ARHGAP31: variants seen among roughly 807,000 people sequenced by gnomAD.
ARHGAP31 encodes rho GTPase-activating protein 31.
In ARHGAP31, 34 loss-of-function variants were observed where a neutral mutation model predicts 113.9. The ratio of observed to expected loss-of-function variants is 0.30; its 90% confidence interval spans 0.23 to 0.40. The LOEUF is 0.40. Among genes scored for constraint, ARHGAP31 ranks in the 10% least tolerant of loss-of-function variants. The probability of loss-of-function intolerance (pLI) is 1.00; values close to 1 mark genes in which losing one functional copy is unlikely to be tolerated. For synonymous variants in ARHGAP31, 650 were observed against 684.8 expected (o/e 0.95, Z 0.79); for missense variants, 1,548 against 1,767.1 (o/e 0.88, Z 2.22).
chr3:119,302,620 T>G (rs115939883), intron 1 of ARHGAP31, among the ~76,000 whole-genome samples: 232 of 152,330 alleles, frequency 1.5e-3, no homozygotes, highest in African/African-American at 5.4e-3. Flanking sequence ...CTTTAAGAAT[T>G]GGGCATTTTA....
rs149885309 is a variant in ARHGAP31 at position 119,313,610 on chromosome 3, C to CT, written c.100+18607dup. Among the ~76,000 whole-genome samples the CT allele has an allele frequency of 2.1e-3, 318 of 152,334 alleles. 9 individuals are homozygous for CT. In the South Asian group the frequency reaches 0.028, roughly 13 times the overall value. On this transcript the variant is annotated intron_variant, in intron 1 of 11. Transcript: ENST00000264245. ...GGATTTTGTCTGGTCAATTGATACT[C>CT]TGTCAGCTGGACAGCTGGAGTTTAG...
At chr3:119,303,969 T>G (rs1465721474) in intron 1 of ARHGAP31, among the ~76,000 whole-genome samples, 1 of 152,094 alleles carries the variant, frequency 6.6e-6, no homozygotes. Flanking sequence ...TAATTTTTCA[T>G]ATTTTTAATA....
intron 1 of ARHGAP31, among the ~76,000 whole-genome samples, chr3:119,342,519 A>T (rs1417840515): frequency 6.6e-6 from 1 of 152,222 alleles, no homozygotes; most frequent in Non-Finnish European, 1.5e-5. Flanking sequence ...CACAAGGATG[A>T]CTGCCCCCAA....
intron 1 of ARHGAP31, among the ~76,000 whole-genome samples, chr3:119,312,950 T>A (rs1422379099): frequency 6.6e-6 from 1 of 152,234 alleles, no homozygotes; most frequent in African/African-American, 2.4e-5. Context: ...GAGATTGATA[T>A]TCTTTGTTCT....
chr3:119,388,237 T>TA (rs2080470484), intron 6 of ARHGAP31, among the ~76,000 whole-genome samples: 1 of 151,234 alleles, frequency 6.6e-6, no homozygotes, highest in Non-Finnish European at 1.5e-5. Flanking sequence ...TCTATTTTTT[T>TA]TATATATTTG....
intron 1 of ARHGAP31, among the ~76,000 whole-genome samples, chr3:119,310,368 A>G (rs1480273627): frequency 6.6e-6 from 1 of 152,182 alleles, no homozygotes; most frequent in Non-Finnish European, 1.5e-5. Context: ...TTCTTAACCA[A>G]GTGATTCACC....
intron 1 of ARHGAP31, among the ~76,000 whole-genome samples, chr3:119,353,466 T>A (rs80229516): frequency 0.079 from 12,068 of 152,218 alleles, 497 homozygotes; most frequent in Non-Finnish European, 0.087. Context: ...ACCTCCCTCA[T>A]AAGGTGACTG....
Position 119,382,192 on chromosome 3 carries a change from T to A in ARHGAP31, c.432-100T>A, listed in dbSNP as rs73187863. 0.085 allele frequency: 95,910 copies of A among 1,121,928 alleles called. 4,698 individuals carry two copies. Among genetic ancestry groups the A allele is most frequent in the Middle Eastern group, 0.12 (601 of 5,068 alleles). The allele number at this position is 1,121,928 out of a possible 1,614,324, so 69.5% of individuals were successfully genotyped here. On this transcript the variant is annotated intron_variant, in intron 4 of 11. Transcript: ENST00000264245. Reference sequence around the variant, plus strand: ...ATGTCAATTCATTAAAATAGAAATATTTAGAGTCTCTTAAATCCAAACTTA... The same window carrying A: ...ATGTCAATTCATTAAAATAGAAATAATTAGAGTCTCTTAAATCCAAACTTA...
In ARHGAP31 at chr3:119,414,962, T is replaced by C. The variant is rs773748700; in HGVS notation, c.3033T>C (p.Ser1011=). ...EKALRSFREF[S]GLKGAEAPPN... ...CCCTGAGGTCCTTCAGAGAGTTCTC[T>C]GGCCTGAAAGGGGCAGAGGCTCCTC... The change falls in exon 12 of 12, where the codon TCT becomes TCC. Residue 1011 remains serine (S), a synonymous_variant. Transcript: ENST00000264245. The C allele has an allele frequency of 2.0e-5, 32 of 1,614,206 alleles. No individual in the cohort carries two copies. The East Asian group carries it at 6.5e-4, about 33-fold the overall frequency.
intron 10 of ARHGAP31, among the ~76,000 whole-genome samples, chr3:119,405,320 A>G (rs978729127): frequency 2.0e-5 from 3 of 152,344 alleles, no homozygotes; most frequent in Middle Eastern, 3.4e-3. Flanking sequence ...GTTTATTTCT[A>G]TCTTACACAC....
chr3:119,316,816 T>C (rs2079736095), intron 1 of ARHGAP31, among the ~76,000 whole-genome samples: 1 of 152,176 alleles, frequency 6.6e-6, no homozygotes. Flanking sequence ...GGAGTGAAAT[T>C]TATCTGAACA....
At chr3:119,299,457 CAG>C (rs764306316) in intron 1 of ARHGAP31, among the ~76,000 whole-genome samples, 3 of 152,068 alleles carry the variant, frequency 2.0e-5, no homozygotes, top group Non-Finnish European at 4.4e-5. Context: ...TGAGGCATGA[CAG>C]AGGGAAGGTT....
In ARHGAP31 at chr3:119,406,526, T is replaced by C. The variant is rs953059688; in HGVS notation, c.1646-2970T>C. On this transcript the variant is annotated intron_variant, in intron 10 of 11. Coordinates refer to ENST00000264245, the MANE Select transcript of ARHGAP31 (RefSeq NM_020754.4). ...CGCTTTAGGGGTCTGGTTGAATAAC[T>C]AGGGTGCATCCACACAGTGAAGTTC... Among the ~76,000 whole-genome samples the C allele has an allele frequency of 3.9e-5, 6 of 152,214 alleles. No homozygotes were observed. The East Asian group carries it at 1.2e-3, about 29-fold the overall frequency.
At chr3:119,302,763 T>A (rs1275928367) in intron 1 of ARHGAP31, among the ~76,000 whole-genome samples, 2 of 152,202 alleles carry the variant, frequency 1.3e-5, no homozygotes, top group African/African-American at 4.8e-5. Context: ...GAACCACATA[T>A]CTTAGGATAG....
chr3:119,299,310 G>GT (rs1198452945), intron 1 of ARHGAP31, among the ~76,000 whole-genome samples: 3 of 152,132 alleles, frequency 2.0e-5, no homozygotes. Context: ...CATTCAGAAC[G>GT]CACCTTCTGA....
chr3:119,354,594 G>C (rs916605252), intron 1 of ARHGAP31, among the ~76,000 whole-genome samples: 1 of 151,132 alleles, frequency 6.6e-6, no homozygotes, highest in African/African-American at 2.4e-5. Context: ...TGCAACCTCC[G>C]CCTGCCTCCT....
intron 1 of ARHGAP31, among the ~76,000 whole-genome samples, chr3:119,351,911 C>A (rs952082393): frequency 2.6e-5 from 4 of 152,204 alleles, no homozygotes; most frequent in Non-Finnish European, 4.4e-5. Context: ...CTGATGTGTG[C>A]TTTATGCAGT....
Position 119,368,517 on chromosome 3 carries a change from G to T in ARHGAP31, c.348+1G>T. 1 of 1,614,116 alleles carries T rather than the reference G, an allele frequency of 6.2e-7. No individual in the cohort carries two copies. Among genetic ancestry groups the T allele is most frequent in the Non-Finnish European group, 8.5e-7 (1 of 1,180,004 alleles). On this transcript the variant is annotated splice_donor_variant, in intron 3 of 11. Coordinates refer to ENST00000264245, the MANE Select transcript of ARHGAP31 (RefSeq NM_020754.4). LOFTEE classifies it high-confidence loss of function. ...TTATGAGCTCTATGAGAAATTCACG[G>T]TGAGTGTTTGGATTTCCATTATGGT...
intron 1 of ARHGAP31, among the ~76,000 whole-genome samples, chr3:119,326,392 C>T (rs1025330065): frequency 6.6e-6 from 1 of 151,986 alleles, no homozygotes; most frequent in African/African-American, 2.4e-5. Flanking sequence ...AAAGGAAACA[C>T]TGGGTGCTCG....
Sources: allele counts gnomAD v4.1 joint callset (sites outside exome capture counted in the v4.1 genomes callset), GRCh38; gene constraint gnomAD v4.1.1; transcripts MANE v1.5; gene names NCBI Gene and HGNC (gene_info 2026-07-23, HGNC 2026-07-21).